DRC11: variants seen among roughly 807,000 people sequenced by gnomAD.
DRC11 encodes the protein IQ and AAA domain-containing protein 1.
At chr2:236,416,724 TATATATA>T in the DRC11 span, among the ~76,000 whole-genome samples, 248 of 20,500 alleles carry the variant, frequency 0.012, 9 homozygotes, top group East Asian at 0.024. Flanking sequence ...TATATATTTA[TATATATA>T]TATATATATA....
At chr2:236,496,016 G>A in the DRC11 span, among the ~76,000 whole-genome samples, 5 of 152,134 alleles carry the variant, frequency 3.3e-5, no homozygotes, top group Admixed American at 2.6e-4. The surrounding 1 kb of genome is among the most constrained non-coding windows in gnomAD (Gnocchi z 6.3). Context: ...TTAACAACAG[G>A]GGCATGACTT....
the DRC11 span, among the ~76,000 whole-genome samples, chr2:236,478,978 C>T: frequency 1.3e-5 from 2 of 152,032 alleles, no homozygotes; most frequent in Non-Finnish European, 2.9e-5. The surrounding 1 kb of genome is among the most constrained non-coding windows in gnomAD (Gnocchi z 5.9). Context: ...GCATCTGCCA[C>T]CGCATCTGGC....
chr2:236,491,595 C>T, the DRC11 span, among the ~76,000 whole-genome samples: 1,465 of 152,148 alleles, frequency 9.6e-3, 14 homozygotes, highest in Non-Finnish European at 0.017. Flanking sequence ...AACACAAAAT[C>T]TTTAGTAATT....
chr2:236,443,627 G>C, the DRC11 span, among the ~76,000 whole-genome samples: 1 of 152,226 alleles, frequency 6.6e-6, no homozygotes, highest in East Asian at 1.9e-4. The surrounding 1 kb of genome is among the most constrained non-coding windows in gnomAD (Gnocchi z 4.4). Flanking sequence ...ATTATTGATG[G>C]GCATTTGAGT....
At chr2:236,389,778 C>G in the DRC11 span, among the ~76,000 whole-genome samples, 2 of 152,072 alleles carry the variant, frequency 1.3e-5, no homozygotes, top group South Asian at 2.1e-4. Context: ...TGTTTAATTT[C>G]CGCATATTTG....
the DRC11 span, among the ~76,000 whole-genome samples, chr2:236,415,130 A>AT: frequency 6.6e-5 from 10 of 152,288 alleles, no homozygotes; most frequent in Admixed American, 3.3e-4. The surrounding 1 kb of genome is among the most constrained non-coding windows in gnomAD (Gnocchi z 5.7). Context: ...AGGTTAGTTG[A>AT]AATATTCAGA....
chr2:236,357,497 A>G, the DRC11 span, among the ~76,000 whole-genome samples: 1 of 127,534 alleles, frequency 7.8e-6, no homozygotes, highest in Non-Finnish European at 1.5e-5. Context: ...TTATAAATAC[A>G]TATTTACATA....
the DRC11 span, among the ~76,000 whole-genome samples, chr2:236,504,201 G>GC: frequency 1.3e-5 from 2 of 151,086 alleles, no homozygotes; most frequent in African/African-American, 2.4e-5. This position sits in a 1 kb window ranked among gnomAD's most constrained non-coding sequence, Gnocchi z 5.0. Flanking sequence ...CACGGCGGTG[G>GC]GGGGGGGCGT....
the DRC11 span, among the ~76,000 whole-genome samples, chr2:236,348,670 C>A: frequency 8.5e-5 from 13 of 152,300 alleles, no homozygotes; most frequent in East Asian, 2.1e-3. This position sits in a 1 kb window ranked among gnomAD's most constrained non-coding sequence, Gnocchi z 7.4. Context: ...GGTCTCAGCC[C>A]TGGAGATTCT....
chr2:236,325,081 CG>C, the DRC11 span, among the ~76,000 whole-genome samples: 2 of 152,106 alleles, frequency 1.3e-5, no homozygotes, highest in African/African-American at 4.8e-5. This position sits in a 1 kb window ranked among gnomAD's most constrained non-coding sequence, Gnocchi z 4.4. Context: ...CCTGTTTTTC[CG>C]GGGTTGGGTT....
the DRC11 span, chr2:236,368,128 T>C: frequency 1.3e-5 from 12 of 928,368 alleles, no homozygotes; most frequent in Non-Finnish European, 2.1e-5. Context: ...AGGAACACAC[T>C]GTCCAAACCA....
At chr2:236,471,303 T>C in the DRC11 span, among the ~76,000 whole-genome samples, 1 of 152,124 alleles carries the variant, frequency 6.6e-6, no homozygotes, top group East Asian at 1.9e-4. The surrounding 1 kb of genome is among the most constrained non-coding windows in gnomAD (Gnocchi z 4.6). Context: ...AAAAACACTT[T>C]TGGGTACTAT....
the DRC11 span, among the ~76,000 whole-genome samples, chr2:236,367,310 A>T: frequency 1.4e-5 from 2 of 148,010 alleles, no homozygotes; most frequent in Non-Finnish European, 3.0e-5. The surrounding 1 kb of genome is among the most constrained non-coding windows in gnomAD (Gnocchi z 4.8). Context: ...CATATATATT[A>T]TATATATATA....
chr2:236,435,330 G>T, the DRC11 span, among the ~76,000 whole-genome samples: 2 of 152,234 alleles, frequency 1.3e-5, no homozygotes, highest in African/African-American at 4.8e-5. Flanking sequence ...GCAAATTATG[G>T]CACATGGGCC....
the DRC11 span, among the ~76,000 whole-genome samples, chr2:236,371,666 G>A: frequency 6.6e-6 from 1 of 152,178 alleles, no homozygotes; most frequent in Non-Finnish European, 1.5e-5. This position sits in a 1 kb window ranked among gnomAD's most constrained non-coding sequence, Gnocchi z 5.1. Flanking sequence ...TCGTGCCAAG[G>A]TGTCTCACGT....
chr2:236,459,052 A>G, the DRC11 span, among the ~76,000 whole-genome samples: 16 of 152,240 alleles, frequency 1.1e-4, no homozygotes, highest in South Asian at 3.1e-3. Flanking sequence ...CTCAAAAAAC[A>G]AAAAAAGGCA....
At chr2:236,472,361 C>T in the DRC11 span, among the ~76,000 whole-genome samples, 1 of 152,176 alleles carries the variant, frequency 6.6e-6, no homozygotes, top group Admixed American at 6.5e-5. The surrounding 1 kb of genome is among the most constrained non-coding windows in gnomAD (Gnocchi z 4.6). Flanking sequence ...GAGATTTAAA[C>T]CCTATGGGCT....
the DRC11 span, among the ~76,000 whole-genome samples, chr2:236,485,169 C>T: frequency 6.6e-6 from 1 of 152,056 alleles, no homozygotes; most frequent in Non-Finnish European, 1.5e-5. Context: ...TTCATGACAT[C>T]ACCTAATAGT....
the DRC11 span, among the ~76,000 whole-genome samples, chr2:236,387,003 T>C: frequency 6.6e-6 from 1 of 151,022 alleles, no homozygotes; most frequent in Non-Finnish European, 1.5e-5. Context: ...TGAGTTCTAG[T>C]TTGATTGCAC....
Sources: allele counts gnomAD v4.1 joint callset (sites outside exome capture counted in the v4.1 genomes callset), GRCh38; gene constraint gnomAD v4.1.1; non-coding constraint Gnocchi (gnomAD v3.1); transcripts MANE v1.5; gene names NCBI Gene and HGNC (gene_info 2026-07-23, HGNC 2026-07-21).